Variants in FBN1 observed in about 807,000 individuals in gnomAD.
The protein encoded by FBN1 is fibrillin-1.
FBN1 carries 29 observed loss-of-function variants against 365.1 expected under a neutral mutation model. The ratio of observed to expected loss-of-function variants is 0.08; its 90% CI spans 0.06 to 0.11. The LOEUF (loss-of-function observed/expected upper bound fraction) is 0.11. FBN1 is among the 10% of genes least tolerant of loss of function. The pLI is 1.00. For missense variants in FBN1, 2,476 were observed against 3,703.2 expected, an observed-to-expected ratio of 0.67 and a Z score of 8.60; for synonymous variants, 1,210 against 1,270.5, an observed-to-expected ratio of 0.95 and a Z score of 1.01.
intron 53 of FBN1, 90 bp from the exon 54 acceptor site, chr15:48,434,803 T>C: frequency 2.0e-6 from 3 of 1,508,208 alleles, no homozygotes; most frequent in Middle Eastern, 2.3e-4. Flanking sequence ...AATTTTGTTG[T>C]TGTTGTTGTT....
At position 48,538,059 on chromosome 15, in the gene FBN1, C is replaced by T. The variant is rs571677213; in HGVS notation, c.539-251G>A. On this transcript the variant is annotated intron_variant, in intron 6 of 65. Coordinates refer to ENST00000316623, the MANE Select transcript of FBN1 (RefSeq NM_000138.5). ...TGAAAACGGCATTGTGAGGATCAGG[C>T]GAGCTAATGGAAAACTCTTTACAAC... 6.6e-5 allele frequency among the ~76,000 whole-genome samples: 10 copies of T among 152,240 alleles called. No individual in the cohort carries two copies. The South Asian group carries it at 1.5e-3, about 22-fold the overall frequency.
intron 6 of FBN1, among the ~76,000 whole-genome samples, chr15:48,539,606 T>A (rs751030267): frequency 7.2e-5 from 11 of 152,210 alleles, no homozygotes; most frequent in Non-Finnish European, 1.5e-4. Context: ...TTCAATTTTT[T>A]AAAAATATTA....
At position 48,425,359 on chromosome 15, in the gene FBN1, T is replaced by C; in HGVS notation, c.7453+10A>G. 1 of 1,614,172 alleles carries C rather than the reference T, an allele frequency of 6.2e-7. No homozygotes were observed. Among genetic ancestry groups the C allele is most frequent in the South Asian group, 1.1e-5 (1 of 91,080 alleles). On this transcript the variant is annotated intron_variant, in intron 60 of 65. Transcript: ENST00000316623. ...AGCTAGGTGAGGGGCAATGGTCAAT[T>C]CTACTTTACCTTTGCAGCTCCTTCC...
intron 44 of FBN1, 74 bp downstream of exon 44, chr15:48,456,563 A>G: frequency 1.4e-6 from 2 of 1,469,814 alleles, no homozygotes; most frequent in Non-Finnish European, 9.5e-7. Context: ...ATGTTGTGAA[A>G]TTCGCCAAGT....
chr15:48,560,455 G>T (rs1219919021), intron 6 of FBN1, among the ~76,000 whole-genome samples: 2 of 152,166 alleles, frequency 1.3e-5, no homozygotes, highest in Non-Finnish European at 2.9e-5. Flanking sequence ...TGCTCAAAGA[G>T]CAGTTGCTAG....
intron 7 of FBN1, among the ~76,000 whole-genome samples, chr15:48,535,729 GTA>G (rs1299093653): frequency 1.3e-5 from 2 of 152,140 alleles, no homozygotes; most frequent in African/African-American, 4.8e-5. Context: ...TATTATAAAA[GTA>G]TCACTTACTG....
chr15:48,429,737 T>C (rs1267169330), intron 56 of FBN1, among the ~76,000 whole-genome samples: 1 of 152,224 alleles, frequency 6.6e-6, no homozygotes, highest in African/African-American at 2.4e-5. Flanking sequence ...ATTTTCTGAT[T>C]CTGTGCTTTT....
Position 48,472,542 on chromosome 15 carries a change from A to T in FBN1, c.4336+9T>A, listed in dbSNP as rs771761019. On this transcript the variant is annotated intron_variant, in intron 35 of 65. Transcript: ENST00000316623. ...CAGCAAGGCTCCCAGTGGCTTCCCC[A>T]TCAGTTACCTTCACAGGCTTTCCCG... 1 of 1,613,124 alleles carries T rather than the reference A, an allele frequency of 6.2e-7. No individual in the cohort carries two copies. Among genetic ancestry groups the T allele is most frequent in the Non-Finnish European group, 8.5e-7 (1 of 1,179,900 alleles).
chr15:48,645,469 A>AGTTCCT (rs1330652677), intron 1 of FBN1, 106 bp downstream of exon 1: 1 of 152,408 alleles, frequency 6.6e-6, no homozygotes, highest in Non-Finnish European at 1.5e-5. Flanking sequence ...CCCTCACCCC[A>AGTTCCT]GTCCCTGTCC....
chr15:48,472,535 C>T lies in FBN1; in HGVS notation c.4336+16G>A. On this transcript the variant is annotated intron_variant, in intron 35 of 65. Transcript: ENST00000316623. ...TCAAGCCCAGCAAGGCTCCCAGTGGCTTCCCCATCAGTTACCTTCACAGGC... is the reference window on the plus strand; with the variant it reads ...TCAAGCCCAGCAAGGCTCCCAGTGGTTTCCCCATCAGTTACCTTCACAGGC... 1 of 1,612,854 alleles carries T rather than the reference C, an allele frequency of 6.2e-7. No individual in the cohort carries two copies. Among genetic ancestry groups the T allele is most frequent in the South Asian group, 1.1e-5 (1 of 91,066 alleles).
chr15:48,593,456 G>A (rs764892641), intron 6 of FBN1, among the ~76,000 whole-genome samples: 2 of 152,170 alleles, frequency 1.3e-5, no homozygotes, highest in Admixed American at 6.5e-5. Context: ...ACTGAAAAAT[G>A]ACAGTCTTGT....
intron 64 of FBN1, among the ~76,000 whole-genome samples, chr15:48,414,381 T>G (rs893094253): frequency 2.6e-5 from 4 of 152,158 alleles, no homozygotes; most frequent in Admixed American, 2.0e-4. Context: ...GGTATAAGTG[T>G]GGATGTGTGT....
chr15:48,507,997 G>A (rs2043725322), intron 15 of FBN1, among the ~76,000 whole-genome samples: 1 of 147,036 alleles, frequency 6.8e-6, no homozygotes, highest in East Asian at 1.9e-4. Flanking sequence ...ATTTCAAAAT[G>A]GTTTACCAAA....
chr15:48,604,229 G>A (rs1204959834), intron 4 of FBN1, among the ~76,000 whole-genome samples: 3 of 152,212 alleles, frequency 2.0e-5, no homozygotes, highest in African/African-American at 7.2e-5. Context: ...TGATTCTAAA[G>A]ACCTGCCATC....
chr15:48,606,114 C>A (rs1308647406), intron 4 of FBN1, among the ~76,000 whole-genome samples: 1 of 152,110 alleles, frequency 6.6e-6, no homozygotes, highest in East Asian at 1.9e-4. Flanking sequence ...GTCATTCATA[C>A]ACTGCTGGTG....
chr15:48,421,789 G>T, intron 61 of FBN1, 103 bp from the exon 62 acceptor site: 1 of 1,389,978 alleles, frequency 7.2e-7, no homozygotes, highest in Non-Finnish European at 1.0e-6. Flanking sequence ...GGCCAAATAA[G>T]GCCAACAACG....
At chr15:48,578,984 T>C (rs2044370772) in intron 6 of FBN1, among the ~76,000 whole-genome samples, 1 of 143,394 alleles carries the variant, frequency 7.0e-6, no homozygotes, top group South Asian at 2.2e-4. Context: ...TGTGCACATG[T>C]ACCCTAAAAC....
chr15:48,474,097 G>A (rs1213506645), intron 34 of FBN1, among the ~76,000 whole-genome samples, 158 bp downstream of exon 34: 1 of 151,996 alleles, frequency 6.6e-6, no homozygotes, highest in Non-Finnish European at 1.5e-5. Flanking sequence ...TAATTGACCT[G>A]GTTCCAATTT....
chr15:48,585,180 T>C (rs1429330678), intron 6 of FBN1, among the ~76,000 whole-genome samples: 1 of 152,160 alleles, frequency 6.6e-6, no homozygotes, highest in Non-Finnish European at 1.5e-5. Flanking sequence ...GTGCCTACAA[T>C]GGTAAAGGTC....
Sources: gnomAD v4.1 joint callset for allele counts (sites outside exome capture counted in the v4.1 genomes callset) on GRCh38, gnomAD v4.1.1 for gene constraint, MANE v1.5 for transcripts, NCBI Gene and HGNC (gene_info 2026-07-23, HGNC 2026-07-21) for gene names.